FAM185A: variants seen among roughly 807,000 people sequenced by gnomAD.
The protein encoded by FAM185A is protein FAM185A.
FAM185A carries 21 observed loss-of-function variants against 45.7 expected under a neutral mutation model. The observed-to-expected ratio is 0.46, with a 90% confidence interval of 0.33 to 0.66. FAM185A has a LOEUF of 0.66. Among genes scored for constraint, FAM185A ranks in the 30% least tolerant of loss-of-function variants. The pLI is 0.03. For missense variants in FAM185A, 305 were observed against 485.4 expected (o/e 0.63, Z 3.49); for synonymous variants, 117 against 194.0 (o/e 0.60, Z 3.30).
At chr7:102,783,896 C>G (rs1045687973) in intron 6 of FAM185A, among the ~76,000 whole-genome samples, 2 of 152,238 alleles carry the variant, frequency 1.3e-5, no homozygotes, top group East Asian at 1.9e-4. Context: ...AATGCAGGAG[C>G]TGGTTTTTTG....
At chr7:102,786,827 A>AT (rs1359222282) in intron 6 of FAM185A, among the ~76,000 whole-genome samples, 4 of 116,216 alleles carry the variant, frequency 3.4e-5, no homozygotes, top group Non-Finnish European at 6.7e-5. Context: ...TTAAAGTATA[A>AT]TAAAAAAAAA....
At chr7:102,822,309 C>G in the FAM185A span, 1 of 1,042,802 alleles carries the variant, frequency 9.6e-7, no homozygotes, top group Non-Finnish European at 1.5e-6. Flanking sequence ...CAGACTGTGG[C>G]TTAAACATCA....
chr7:102,818,647 AAAG>A, the FAM185A span, among the ~76,000 whole-genome samples: 6 of 152,336 alleles, frequency 3.9e-5, no homozygotes, highest in African/African-American at 1.4e-4. Flanking sequence ...AGCAACTGCT[AAAG>A]AAGGCCTTCC....
chr7:102,776,711 A>AAAAAAAG (rs1359091772), intron 5 of FAM185A, among the ~76,000 whole-genome samples: 2 of 151,348 alleles, frequency 1.3e-5, no homozygotes, highest in African/African-American at 2.4e-5. Flanking sequence ...CTAAAAAAAA[A>AAAAAAAG]AAAAAAAAGA....
rs910541746 is a variant in FAM185A at position 102,807,277 on chromosome 7, A to G, written c.1067-1013A>G. 3.9e-5 allele frequency among the ~76,000 whole-genome samples: 6 copies of G among 152,114 alleles called. 1 individual carries two copies. The highest frequency in any genetic ancestry group is 2.0e-4 in the Admixed American group (3 of 15,266). Reference sequence around the variant, plus strand: ...TTTGGGAGTGATGAATATGTTGACTATCTTGATTAAGGAAATATGGTTCAC... The same window carrying G: ...TTTGGGAGTGATGAATATGTTGACTGTCTTGATTAAGGAAATATGGTTCAC... On this transcript the variant is annotated intron_variant, in intron 7 of 7. Transcript: ENST00000413034.
At chr7:102,793,418 G>A (rs1311318445) in intron 7 of FAM185A, among the ~76,000 whole-genome samples, 4 of 151,984 alleles carry the variant, frequency 2.6e-5, no homozygotes, top group Non-Finnish European at 4.4e-5. Context: ...CACCATATTG[G>A]CCAGGCTGGT....
chr7:102,813,368 A>G (rs1205827008), downstream of FAM185A: 2 of 1,613,690 alleles, frequency 1.2e-6, no homozygotes, highest in African/African-American at 1.3e-5. Flanking sequence ...TCACTGCTGT[A>G]TGTTGACTTT....
intron 7 of FAM185A, among the ~76,000 whole-genome samples, chr7:102,795,431 C>G: frequency 6.6e-6 from 1 of 151,976 alleles, no homozygotes; most frequent in Non-Finnish European, 1.5e-5. Context: ...GTTAAAGGGT[C>G]TGACTTACCT....
At chr7:102,778,178 T>C (rs964116868) in intron 6 of FAM185A, among the ~76,000 whole-genome samples, 1 of 152,260 alleles carries the variant, frequency 6.6e-6, no homozygotes, top group Non-Finnish European at 1.5e-5. Flanking sequence ...CTTTACCATA[T>C]TGATGTAATA....
chr7:102,782,514 G>C (rs1795475163), intron 6 of FAM185A, among the ~76,000 whole-genome samples: 1 of 152,150 alleles, frequency 6.6e-6, no homozygotes, highest in Non-Finnish European at 1.5e-5. Context: ...TTAAAGAAAA[G>C]AATTTTCAAC....
intron 7 of FAM185A, among the ~76,000 whole-genome samples, chr7:102,793,190 C>T (rs938413182): frequency 2.4e-5 from 3 of 125,566 alleles, no homozygotes; most frequent in African/African-American, 3.7e-5. Context: ...CGTCATAGTG[C>T]TTTTATGGTG....
intron 7 of FAM185A, among the ~76,000 whole-genome samples, chr7:102,803,129 T>C (rs1796891385): frequency 6.6e-6 from 1 of 152,154 alleles, no homozygotes. Context: ...CCAATCCTAT[T>C]GACACTATTC....
the FAM185A span, among the ~76,000 whole-genome samples, chr7:102,834,091 A>G: frequency 0.099 from 7,470 of 75,332 alleles, 505 homozygotes; most frequent in African/African-American, 0.15. Flanking sequence ...GAAAGAAAAG[A>G]AAGAAAGAAA....
the FAM185A span, among the ~76,000 whole-genome samples, chr7:102,842,913 G>A: frequency 1.6e-3 from 247 of 152,308 alleles, no homozygotes; most frequent in African/African-American, 5.6e-3. Context: ...AAAGTCAAAT[G>A]AACAGCAATG....
chr7:102,849,274 CTGT>C, the FAM185A span, among the ~76,000 whole-genome samples: 6 of 152,208 alleles, frequency 3.9e-5, no homozygotes, highest in African/African-American at 1.4e-4. Flanking sequence ...CATTGAATGT[CTGT>C]TGTTCTCAGA....
chr7:102,800,816 G>A (rs1796746018), intron 7 of FAM185A, among the ~76,000 whole-genome samples: 1 of 152,134 alleles, frequency 6.6e-6, no homozygotes, highest in South Asian at 2.1e-4. Flanking sequence ...ATATTTGGGG[G>A]AATAACTGAG....
the FAM185A span, among the ~76,000 whole-genome samples, chr7:102,846,304 A>T: frequency 1.3e-5 from 2 of 152,220 alleles, no homozygotes; most frequent in East Asian, 3.8e-4. Flanking sequence ...ACTGAGCAAG[A>T]TGGTCACATT....
chr7:102,818,977 A>AGT, the FAM185A span, among the ~76,000 whole-genome samples: 2 of 151,456 alleles, frequency 1.3e-5, no homozygotes, highest in Non-Finnish European at 2.9e-5. Flanking sequence ...GACAGGCCCC[A>AGT]GTGTGTGTTG....
the FAM185A span, among the ~76,000 whole-genome samples, chr7:102,848,426 G>A: frequency 1.0e-5 from 1 of 98,662 alleles, no homozygotes; most frequent in Non-Finnish European, 1.9e-5. Context: ...CGTAGTGGCG[G>A]GCGCCTGTAG....
Sources: allele counts gnomAD v4.1 joint callset (sites outside exome capture counted in the v4.1 genomes callset), GRCh38; gene constraint gnomAD v4.1.1; transcripts MANE v1.5; gene names NCBI Gene and HGNC (gene_info 2026-07-23, HGNC 2026-07-21).